Variants in PDK1 observed in about 807,000 individuals in gnomAD.
The protein encoded by PDK1 is [Pyruvate dehydrogenase (acetyl-transferring)] kinase isozyme 1, mitochondrial.
In PDK1, 39 loss-of-function variants were observed where a neutral mutation model predicts 54.2. That is an observed-to-expected ratio of 0.72 (90% confidence interval 0.56 to 0.94). The LOEUF (loss-of-function observed/expected upper bound fraction) is 0.94, where lower values mean the gene tolerates loss of function less well. Among genes scored for constraint, PDK1 ranks in the 40% least tolerant of loss-of-function variants. The pLI is 0.00. For synonymous variants in PDK1, 221 were observed against 207.1 expected (o/e 1.07, Z -0.58); for missense variants, 552 against 566.0 (o/e 0.98, Z 0.25).
At chr2:172,645,687 A>G in the PDK1 span, among the ~76,000 whole-genome samples, 1 of 152,216 alleles carries the variant, frequency 6.6e-6, no homozygotes, top group African/African-American at 2.4e-5. Context: ...GACTGTGTCT[A>G]GAGGACAGGA....
chr2:172,635,085 A>G, the PDK1 span, among the ~76,000 whole-genome samples: 1 of 152,244 alleles, frequency 6.6e-6, no homozygotes, highest in Non-Finnish European at 1.5e-5. Context: ...TTAAGTCTAC[A>G]ATATCACTGC....
chr2:172,609,724 C>G (rs964401532), downstream of PDK1, among the ~76,000 whole-genome samples: 3 of 152,172 alleles, frequency 2.0e-5, no homozygotes, highest in Non-Finnish European at 4.4e-5. Flanking sequence ...AGTATTGTCC[C>G]AAAAGTAAAC....
At chr2:172,637,076 T>C in the PDK1 span, among the ~76,000 whole-genome samples, 1 of 152,252 alleles carries the variant, frequency 6.6e-6, no homozygotes, top group Admixed American at 6.5e-5. Context: ...AGGATTTCAA[T>C]AACACTTATG....
the PDK1 span, among the ~76,000 whole-genome samples, chr2:172,626,265 T>A: frequency 6.6e-6 from 1 of 152,230 alleles, no homozygotes; most frequent in East Asian, 1.9e-4. Flanking sequence ...AGATATGTGC[T>A]ACTTTTCAAT....
chr2:172,557,563 A>AT lies in PDK1; in HGVS notation c.197-1141dup, dbSNP rs1462337378. Among the ~76,000 whole-genome samples the AT allele has an allele frequency of 2.0e-5, 3 of 150,660 alleles. No individual in the cohort carries two copies. In the East Asian group the frequency reaches 5.9e-4, roughly 29 times the overall value. ...AGATGGTGCAAACAGGCAGTGGTGA[A>AT]TTTTGCTGTTGCTTGAAAGCTTTCC... On this transcript the variant is annotated intron_variant, in intron 1 of 10. Coordinates refer to ENST00000282077, the MANE Select transcript of PDK1 (RefSeq NM_002610.5).
intron 6 of PDK1, among the ~76,000 whole-genome samples, chr2:172,568,328 A>AC (rs1689068628): frequency 2.4e-5 from 2 of 82,212 alleles, no homozygotes; most frequent in African/African-American, 1.7e-4. Flanking sequence ...ACTCCGTCTC[A>AC]AAAAAAAAAA....
the PDK1 span, among the ~76,000 whole-genome samples, chr2:172,635,545 G>T: frequency 6.6e-6 from 1 of 152,148 alleles, no homozygotes; most frequent in Non-Finnish European, 1.5e-5. Context: ...CAAACTGCTG[G>T]CCTCAAGTGA....
At chr2:172,633,809 T>C in the PDK1 span, among the ~76,000 whole-genome samples, 1,638 of 150,444 alleles carry the variant, frequency 0.011, 30 homozygotes, top group African/African-American at 0.037. Flanking sequence ...ATATCTCACC[T>C]TCCCAGTATT....
At chr2:172,699,927 T>C in the PDK1 span, among the ~76,000 whole-genome samples, 1 of 152,266 alleles carries the variant, frequency 6.6e-6, no homozygotes, top group Non-Finnish European at 1.5e-5. Flanking sequence ...TTTGTGTCCC[T>C]GGGTACCTCA....
the PDK1 span, among the ~76,000 whole-genome samples, chr2:172,681,981 C>T: frequency 6.6e-6 from 1 of 152,212 alleles, no homozygotes; most frequent in Non-Finnish European, 1.5e-5. Context: ...TGGTCTTGAA[C>T]CACTGACCTC....
chr2:172,712,813 A>G, the PDK1 span, among the ~76,000 whole-genome samples: 2 of 152,302 alleles, frequency 1.3e-5, no homozygotes, highest in South Asian at 4.1e-4. Context: ...TTTGTGTTAC[A>G]GCTCTTTCAG....
the PDK1 span, among the ~76,000 whole-genome samples, chr2:172,619,300 C>T: frequency 6.6e-6 from 1 of 152,222 alleles, no homozygotes; most frequent in Non-Finnish European, 1.5e-5. Context: ...CCCACATTCT[C>T]TCCTGTTCTT....
At chr2:172,714,686 T>C in the PDK1 span, among the ~76,000 whole-genome samples, 1 of 152,148 alleles carries the variant, frequency 6.6e-6, no homozygotes. Flanking sequence ...TGGAGCTTTT[T>C]TCCTTTTTAA....
chr2:172,562,853 G>T, intron 3 of PDK1: 1 of 1,568,792 alleles, frequency 6.4e-7, no homozygotes, highest in Non-Finnish European at 8.7e-7. Flanking sequence ...GTAAACCAAA[G>T]TATTTGCCTT....
intron 8 of PDK1, among the ~76,000 whole-genome samples, chr2:172,584,331 A>G (rs1253527056): frequency 6.6e-6 from 1 of 151,928 alleles, no homozygotes; most frequent in Non-Finnish European, 1.5e-5. Flanking sequence ...CCTTTTTATA[A>G]TAGAATTTTT....
the PDK1 span, among the ~76,000 whole-genome samples, chr2:172,635,698 T>C: frequency 0.7 from 106,216 of 151,568 alleles, 37,823 homozygotes; most frequent in Non-Finnish European, 0.77. Flanking sequence ...GCTGCCCCCC[T>C]CCACCCCGGG....
chr2:172,635,756 A>G, the PDK1 span, among the ~76,000 whole-genome samples: 1 of 152,192 alleles, frequency 6.6e-6, no homozygotes, highest in Non-Finnish European at 1.5e-5. Flanking sequence ...TATGCCTTTC[A>G]TATGCAAGCC....
chr2:172,675,883 C>CT, the PDK1 span, among the ~76,000 whole-genome samples: 17 of 152,264 alleles, frequency 1.1e-4, no homozygotes, highest in African/African-American at 2.9e-4. Flanking sequence ...GACAGGCTGA[C>CT]TCTCTTGTGA....
Position 172,562,760 on chromosome 2 carries a change from T to C in PDK1, c.410+469T>C, listed in dbSNP as rs769799686. 8.1e-6 allele frequency: 13 copies of C among 1,602,668 alleles called. No homozygotes were observed. The Admixed American group carries it at 2.2e-4, about 27-fold the overall frequency. On this transcript the variant is annotated intron_variant, in intron 3 of 10. Transcript: ENST00000282077. Reference sequence around the variant, plus strand: ...ACACAGAAGGCCTAGAAGAACATGGTTGCAGGTCTCTAGTTTATGCTGTAT... The same window carrying C: ...ACACAGAAGGCCTAGAAGAACATGGCTGCAGGTCTCTAGTTTATGCTGTAT...
Sources: gnomAD v4.1 joint callset for allele counts (sites outside exome capture counted in the v4.1 genomes callset) on GRCh38, gnomAD v4.1.1 for gene constraint, MANE v1.5 for transcripts, NCBI Gene and HGNC (gene_info 2026-07-23, HGNC 2026-07-21) for gene names.